The following SLC35F4 variants were observed in gnomAD, a reference collection of about 807,000 sequenced individuals.
SLC35F4 encodes solute carrier family 35 member F4.
SLC35F4 carries 24 observed loss-of-function variants against 44.2 expected under a neutral mutation model. That is an observed-to-expected ratio of 0.54 (90% CI 0.39 to 0.76). The LOEUF is 0.76. Among genes scored for constraint, SLC35F4 ranks in the 30% least tolerant of loss-of-function variants. SLC35F4 has a pLI of 0.00. For synonymous variants in SLC35F4, 238 were observed against 223.6 expected (o/e 1.06, Z -0.57); for missense variants, 562 against 586.1 (o/e 0.96, Z 0.42).
intron 4 of SLC35F4, among the ~76,000 whole-genome samples, chr14:57,576,776 G>C (rs150315614): frequency 5.1e-4 from 77 of 152,184 alleles, no homozygotes; most frequent in African/African-American, 1.7e-3. Context: ...ATTTTTATCT[G>C]AATAAAATCC....
chr14:57,958,727 G>A (rs998511335), intron 1 of SLC35F4, among the ~76,000 whole-genome samples: 5 of 152,086 alleles, frequency 3.3e-5, no homozygotes, highest in African/African-American at 1.2e-4. Context: ...TTTAAAAACT[G>A]GCAATACCAA....
At chr14:57,668,541 C>T (rs1448691454) in intron 1 of SLC35F4, among the ~76,000 whole-genome samples, 5 of 152,230 alleles carry the variant, frequency 3.3e-5, no homozygotes, top group African/African-American at 9.6e-5. Flanking sequence ...TTTCAACTTT[C>T]TGCATATGGC....
chr14:57,706,206 C>T (rs1207173292), intron 1 of SLC35F4, among the ~76,000 whole-genome samples: 1 of 152,076 alleles, frequency 6.6e-6, no homozygotes, highest in Non-Finnish European at 1.5e-5. Flanking sequence ...ATGTCTGTGT[C>T]CATCTATGTA....
chr14:57,938,035 C>A (rs912739782), intron 1 of SLC35F4, among the ~76,000 whole-genome samples: 1 of 152,140 alleles, frequency 6.6e-6, no homozygotes, highest in Non-Finnish European at 1.5e-5. Flanking sequence ...GCTGAAAATG[C>A]GTCTTCCTTA....
intron 1 of SLC35F4, among the ~76,000 whole-genome samples, chr14:57,892,213 G>A (rs992691314): frequency 6.2e-4 from 95 of 152,184 alleles, no homozygotes; most frequent in Non-Finnish European, 6.2e-4. Flanking sequence ...AATATGGCTT[G>A]AGCAGATCAT....
At chr14:57,697,071 G>T (rs936198493) in intron 1 of SLC35F4, among the ~76,000 whole-genome samples, 19 of 152,052 alleles carry the variant, frequency 1.2e-4, no homozygotes, top group African/African-American at 4.3e-4. Flanking sequence ...ATGTATCCCA[G>T]AACTTTAAGT....
chr14:57,758,438 A>G (rs1476392311), intron 1 of SLC35F4, among the ~76,000 whole-genome samples: 1 of 151,998 alleles, frequency 6.6e-6, no homozygotes, highest in Non-Finnish European at 1.5e-5. Context: ...ATCTTCTGTA[A>G]TATCTAATTT....
At chr14:57,737,517 G>C (rs943648749) in intron 1 of SLC35F4, among the ~76,000 whole-genome samples, 1 of 152,040 alleles carries the variant, frequency 6.6e-6, no homozygotes, top group Non-Finnish European at 1.5e-5. Context: ...CTGGAAAGGA[G>C]TTAATAGCAA....
At position 57,924,745 on chromosome 14, in the gene SLC35F4, C is replaced by A. The variant is rs553535546; in HGVS notation, n.282+57168G>T. 5.7e-4 allele frequency among the ~76,000 whole-genome samples: 87 copies of A among 152,158 alleles called. 1 individual carries two copies. Among genetic ancestry groups the A allele is most frequent in the South Asian group, 5.4e-3 (26 of 4,816 alleles). ...TACAGGTGTTAGCCACCAAGCCCAG[C>A]CTACTTTTTTCTTTCTTTCTTCCTT... On this transcript the variant is annotated intron_variant and non_coding_transcript_variant, in intron 1 of 1. Coordinates refer to the SLC35F4 transcript ENST00000556568.
At chr14:57,898,697 C>T (rs1192918807) in intron 1 of SLC35F4, among the ~76,000 whole-genome samples, 2 of 152,190 alleles carry the variant, frequency 1.3e-5, no homozygotes, top group African/African-American at 2.4e-5. Context: ...GAAATGAGAT[C>T]AGCAACTTCA....
chr14:57,784,520 TA>T (rs201324170), intron 1 of SLC35F4, among the ~76,000 whole-genome samples: 7 of 152,068 alleles, frequency 4.6e-5, no homozygotes, highest in East Asian at 3.9e-4. Flanking sequence ...CCTGTCTCTA[TA>T]AAAAAAATTT....
chr14:57,852,970 C>T (rs1036845795), intron 1 of SLC35F4, among the ~76,000 whole-genome samples: 1 of 152,172 alleles, frequency 6.6e-6, no homozygotes, highest in African/African-American at 2.4e-5. Flanking sequence ...TGGCATTAGC[C>T]TAGGTCTAAA....
At chr14:57,613,423 T>C (rs894984969) in intron 1 of SLC35F4, among the ~76,000 whole-genome samples, 1 of 152,170 alleles carries the variant, frequency 6.6e-6, no homozygotes, top group African/African-American at 2.4e-5. Flanking sequence ...CGGTCTGTGC[T>C]CCTATGTCCC....
At chr14:57,641,010 CT>C (rs1465728544) in intron 1 of SLC35F4, among the ~76,000 whole-genome samples, 11 of 151,864 alleles carry the variant, frequency 7.2e-5, no homozygotes, top group Admixed American at 7.2e-4. Flanking sequence ...GTTTTCTGGT[CT>C]TTTTAACAAT....
At chr14:57,650,959 A>G (rs1237079231) in intron 1 of SLC35F4, among the ~76,000 whole-genome samples, 1 of 152,160 alleles carries the variant, frequency 6.6e-6, no homozygotes, top group Non-Finnish European at 1.5e-5. Context: ...ACCACCTTCT[A>G]AGAGAGGCAT....
chr14:57,747,016 T>C (rs1365050548), intron 1 of SLC35F4, among the ~76,000 whole-genome samples: 1 of 152,162 alleles, frequency 6.6e-6, no homozygotes, highest in Non-Finnish European at 1.5e-5. Flanking sequence ...GATAGTTCAC[T>C]TTTTCTACAT....
chr14:57,811,442 A>G (rs1034019837), intron 1 of SLC35F4, among the ~76,000 whole-genome samples: 1 of 152,236 alleles, frequency 6.6e-6, no homozygotes, highest in Non-Finnish European at 1.5e-5. Flanking sequence ...GGCATTTAAC[A>G]GATACTGAAC....
intron 1 of SLC35F4, among the ~76,000 whole-genome samples, chr14:57,694,437 A>G (rs1011736236): frequency 6.6e-6 from 1 of 152,128 alleles, no homozygotes; most frequent in Non-Finnish European, 1.5e-5. Context: ...TGTTTGTGAG[A>G]CTCATAGAAA....
intron 1 of SLC35F4, among the ~76,000 whole-genome samples, chr14:57,809,464 C>G (rs773821583): frequency 6.6e-6 from 1 of 152,124 alleles, no homozygotes; most frequent in Non-Finnish European, 1.5e-5. Context: ...GCAGACTCCA[C>G]GACCCAGAAG....
Sources: allele counts gnomAD v4.1 joint callset (sites outside exome capture counted in the v4.1 genomes callset), GRCh38; gene constraint gnomAD v4.1.1; transcripts MANE v1.5; gene names NCBI Gene and HGNC (gene_info 2026-07-23, HGNC 2026-07-21).